The following DIP2C variants were observed in gnomAD, a reference collection of about 807,000 sequenced individuals.
DIP2C encodes the protein DIP2 acetate--CoA ligase C (putative), also known as disco-interacting protein 2 homolog C.
In DIP2C, 33 loss-of-function variants were observed where a neutral mutation model predicts 192.4. The ratio of observed to expected loss-of-function variants is 0.17; its 90% CI spans 0.13 to 0.23. The LOEUF is 0.23. Ranked by LOEUF, DIP2C falls within the 10% of genes least tolerant of loss-of-function variation. The pLI, the probability that DIP2C is intolerant of heterozygous loss-of-function variation, is 1.00. For synonymous variants in DIP2C, 979 were observed against 864.1 expected (o/e 1.13, Z -2.33); for missense variants, 1,537 against 2,110.1 (o/e 0.73, Z 5.32).
chr10:400,085 C>T (rs1391796942), intron 9 of DIP2C, among the ~76,000 whole-genome samples: 2 of 152,208 alleles, frequency 1.3e-5, no homozygotes, highest in Admixed American at 1.3e-4. Flanking sequence ...CACTCTATTA[C>T]CCAGGCTGGA....
At chr10:603,573 G>A (rs1184131173) in intron 1 of DIP2C, among the ~76,000 whole-genome samples, 1 of 152,088 alleles carries the variant, frequency 6.6e-6, no homozygotes, top group East Asian at 1.9e-4. Flanking sequence ...CCAAATCATA[G>A]AACCACAGAA....
intron 36 of DIP2C, among the ~76,000 whole-genome samples, chr10:280,879 T>C (rs866395988): frequency 1.3e-5 from 2 of 152,212 alleles, no homozygotes; most frequent in African/African-American, 4.8e-5. Flanking sequence ...TGCCTACATA[T>C]GTGTGAGGTT....
chr10:657,984 G>A (rs1229441141), intron 1 of DIP2C, among the ~76,000 whole-genome samples: 7 of 128,460 alleles, frequency 5.4e-5, no homozygotes, highest in East Asian at 4.8e-4. Context: ...TGGACCTGCC[G>A]CTGGACCTGC....
chr10:436,454 G>A (rs564761048), intron 4 of DIP2C, among the ~76,000 whole-genome samples: 1 of 152,326 alleles, frequency 6.6e-6, no homozygotes, highest in South Asian at 2.1e-4. Flanking sequence ...CCGCCTCCTG[G>A]ACTTGGCAGG....
Position 498,953 on chromosome 10 carries a change from C to T in DIP2C, c.86-12423G>A, listed in dbSNP as rs140182434. 6.2e-3 allele frequency among the ~76,000 whole-genome samples: 950 copies of T among 152,340 alleles called. 10 individuals carry two copies. Among genetic ancestry groups the T allele is most frequent in the South Asian group, 0.023 (110 of 4,822 alleles). Reference sequence around the variant, plus strand: ...TCTGCATGCCGGCATTTCTCACCAACGCTGCTCTGCACCGCACAGCACTGC... The same window carrying T: ...TCTGCATGCCGGCATTTCTCACCAATGCTGCTCTGCACCGCACAGCACTGC... On this transcript the variant is annotated intron_variant, in intron 1 of 36. Transcript: ENST00000280886.
chr10:398,926 GCTCCAC>G (rs1250818383), intron 10 of DIP2C, among the ~76,000 whole-genome samples, 177 bp downstream of exon 10: 2 of 152,144 alleles, frequency 1.3e-5, no homozygotes, highest in Non-Finnish European at 2.9e-5. Context: ...AGCAAGCTGT[GCTCCAC>G]CTCCAGGACG....
chr10:464,639 A>G (rs896720738), intron 3 of DIP2C, among the ~76,000 whole-genome samples: 16 of 152,260 alleles, frequency 1.1e-4, no homozygotes, highest in African/African-American at 3.6e-4. Context: ...GTATACACCC[A>G]AAGGATTATA....
intron 3 of DIP2C, among the ~76,000 whole-genome samples, chr10:467,320 G>A (rs1346477441): frequency 7.3e-6 from 1 of 136,586 alleles, no homozygotes; most frequent in African/African-American, 2.7e-5. Flanking sequence ...TCATAGGTGG[G>A]AATTGAACAA....
chr10:580,764 A>G (rs557546129), intron 1 of DIP2C, among the ~76,000 whole-genome samples: 21 of 152,342 alleles, frequency 1.4e-4, no homozygotes, highest in African/African-American at 4.3e-4. Context: ...GAAGTCATAC[A>G]AAGAGGGTTT....
intron 1 of DIP2C, among the ~76,000 whole-genome samples, chr10:642,605 G>C (rs1588660624): frequency 6.6e-6 from 1 of 152,244 alleles, no homozygotes. Flanking sequence ...CTGATGACCA[G>C]AGCAAGGGCC....
chr10:387,528 A>T (rs1303077250), intron 14 of DIP2C, among the ~76,000 whole-genome samples: 1 of 21,692 alleles, frequency 4.6e-5, no homozygotes, highest in South Asian at 1.6e-3. Flanking sequence ...ACAGACAGTG[A>T]GGGGAGGGGA....
At chr10:286,682 G>A (rs533848100) in intron 33 of DIP2C, among the ~76,000 whole-genome samples, 1 of 152,276 alleles carries the variant, frequency 6.6e-6, no homozygotes, top group African/African-American at 2.4e-5. Flanking sequence ...CATGGTAAAT[G>A]ATATAATGTT....
chr10:470,045 G>T (rs1408274318), intron 3 of DIP2C, among the ~76,000 whole-genome samples: 1 of 152,204 alleles, frequency 6.6e-6, no homozygotes, highest in Non-Finnish European at 1.5e-5. Context: ...GTAAATGGAT[G>T]AAATGTTTGA....
chr10:604,594 A>G (rs946334382), intron 1 of DIP2C, among the ~76,000 whole-genome samples: 7 of 152,358 alleles, frequency 4.6e-5, no homozygotes, highest in African/African-American at 1.7e-4. Flanking sequence ...GATCAAATAT[A>G]AGGAGCTTTC....
chr10:534,725 G>T (rs1022027062), intron 1 of DIP2C, among the ~76,000 whole-genome samples: 1 of 150,038 alleles, frequency 6.7e-6, no homozygotes, highest in Non-Finnish European at 1.5e-5. Context: ...GCCGGACTGC[G>T]GACTGCAGTG....
At position 671,898 on chromosome 10, in the gene DIP2C, C is replaced by A. The variant is rs559243493; in HGVS notation, c.85+17596G>T. Among the ~76,000 whole-genome samples, 239 of 122,368 alleles carry A rather than the reference C, an allele frequency of 2.0e-3. 2 individuals are homozygous for A. Among genetic ancestry groups the A allele is most frequent in the Middle Eastern group, 0.014 (2 of 142 alleles). 80.3% of individuals were successfully genotyped at this position (122,368 alleles called of 152,430 possible). A position where few individuals can be genotyped will look rare whatever the true frequency, so the allele number is the denominator to read the frequency against. On this transcript the variant is annotated intron_variant, in intron 1 of 36. Transcript: ENST00000280886. ...AGGAAACAGGCCATAGACACACGGA[C>A]GGAGGAAAAGCCACAGACGCACGGA...
intron 1 of DIP2C, among the ~76,000 whole-genome samples, chr10:649,709 TCA>T (rs1855735477): frequency 6.6e-6 from 1 of 152,230 alleles, no homozygotes; most frequent in Non-Finnish European, 1.5e-5. Flanking sequence ...TCAAATGTGT[TCA>T]GAGTGCTATA....
chr10:598,518 A>G (rs1302465504), intron 1 of DIP2C, among the ~76,000 whole-genome samples: 2 of 151,960 alleles, frequency 1.3e-5, no homozygotes, highest in Non-Finnish European at 2.9e-5. Flanking sequence ...GGGGAGCATC[A>G]TGGGGAGAGG....
intron 4 of DIP2C, among the ~76,000 whole-genome samples, chr10:440,389 A>T (rs147390203): frequency 1.8e-4 from 27 of 152,342 alleles, no homozygotes; most frequent in African/African-American, 5.8e-4. Flanking sequence ...GCCTGCAGGA[A>T]CTAAAATACT....
Sources: allele counts gnomAD v4.1 joint callset (sites outside exome capture counted in the v4.1 genomes callset), GRCh38; gene constraint gnomAD v4.1.1; transcripts MANE v1.5; gene names NCBI Gene and HGNC (gene_info 2026-07-23, HGNC 2026-07-21).